ATXN3: variants seen among roughly 807,000 people sequenced by gnomAD.
The protein encoded by ATXN3 is ataxin 3.
Under a neutral mutation model 58.2 loss-of-function variants are expected in ATXN3, and 28 were observed. The ratio of observed to expected loss-of-function variants is 0.48; its 90% CI spans 0.36 to 0.66. The LOEUF (loss-of-function observed/expected upper bound fraction) is 0.66, where lower values mean the gene tolerates loss of function less well. Ranked by LOEUF, ATXN3 falls within the 30% of genes least tolerant of loss-of-function variation. The pLI is 0.00. For synonymous variants in ATXN3, 113 were observed against 138.5 expected (o/e 0.82, Z 1.29); for missense variants, 321 against 422.1 (o/e 0.76, Z 2.10).
At chr14:92,094,531 T>C (rs1047214917) in intron 3 of ATXN3, among the ~76,000 whole-genome samples, 1 of 152,210 alleles carries the variant, frequency 6.6e-6, no homozygotes, top group African/African-American at 2.4e-5. Context: ...TCTACCAAAA[T>C]AAGTTCTCCC....
intron 9 of ATXN3, chr14:92,079,466 T>C (rs1253904825): frequency 2.1e-5 from 21 of 981,524 alleles, no homozygotes; most frequent in Non-Finnish European, 2.5e-5. Context: ...TTCTGAGTTG[T>C]GACTTAAAAA....
chr14:92,103,729 T>A (rs979412274), intron 1 of ATXN3, among the ~76,000 whole-genome samples: 1 of 152,160 alleles, frequency 6.6e-6, no homozygotes, highest in Non-Finnish European at 1.5e-5. Context: ...ACATTCTAAC[T>A]TAATAAAGGG....
At position 92,059,278 on chromosome 14, in the gene ATXN3, G is replaced by A. The variant is rs1337856752; in HGVS notation, c.*5042C>T. On this transcript the variant is annotated 3_prime_UTR_variant, in exon 11 of 11. Coordinates refer to ENST00000644486, the MANE Select transcript of ATXN3 (RefSeq NM_004993.6). The stretch of plus-strand genomic sequence containing the variant: ...ATGTCAATAATCTTCACTCATGAAA[G>A]CAAATTAGAACAAAAATATTTTTAT... The A allele has an allele frequency of 6.6e-6, 1 of 151,950 alleles. No individual in the cohort carries two copies. The highest frequency in any genetic ancestry group is 1.5e-5 in the Non-Finnish European group (1 of 67,978). The allele number at this position is 151,950 out of a possible 1,614,324, so 9.4% of individuals were successfully genotyped here.
intron 5 of ATXN3, among the ~76,000 whole-genome samples, chr14:92,089,332 C>CTTTT (rs1157498754): frequency 1.2e-4 from 7 of 60,736 alleles, no homozygotes; most frequent in African/African-American, 2.9e-4. Flanking sequence ...GCTAAATACT[C>CTTTT]TTTTTTTTTT....
At chr14:92,057,129 T>C (rs965206297), downstream of ATXN3, among the ~76,000 whole-genome samples, 3 of 152,126 alleles carry the variant, frequency 2.0e-5, no homozygotes. Context: ...GTTTAGCATA[T>C]CATCAAGAAA....
At chr14:92,078,376 A>ATTTATTTC (rs1426617011) in intron 9 of ATXN3, among the ~76,000 whole-genome samples, 2 of 151,390 alleles carry the variant, frequency 1.3e-5, no homozygotes, top group Non-Finnish European at 2.9e-5. Context: ...TTATTTATTT[A>ATTTATTTC]TTTGAGATGG....
intron 6 of ATXN3, among the ~76,000 whole-genome samples, chr14:92,088,202 C>T (rs7154952): frequency 4.1e-4 from 62 of 151,694 alleles, no homozygotes; most frequent in African/African-American, 1.3e-3. Flanking sequence ...CCGAGTAGCT[C>T]GGACTACAGG....
At chr14:92,078,273 C>T (rs920582816) in intron 9 of ATXN3, among the ~76,000 whole-genome samples, 1 of 151,966 alleles carries the variant, frequency 6.6e-6, no homozygotes, top group African/African-American at 2.4e-5. Flanking sequence ...CGTGAGCCAC[C>T]GTGCCCAGCC....
chr14:92,067,898 G>A (rs2058726686), intron 10 of ATXN3, among the ~76,000 whole-genome samples: 1 of 152,142 alleles, frequency 6.6e-6, no homozygotes, highest in Non-Finnish European at 1.5e-5. Context: ...GCGGTCATGG[G>A]GATTACTGCT....
intron 1 of ATXN3, among the ~76,000 whole-genome samples, chr14:92,104,799 T>A (rs893454405): frequency 4.0e-5 from 6 of 151,732 alleles, no homozygotes; most frequent in Admixed American, 6.6e-5. Flanking sequence ...GGCGGGCGCC[T>A]GTAATCTCAG....
At chr14:92,079,042 C>T (rs959917449) in intron 9 of ATXN3, among the ~76,000 whole-genome samples, 1 of 151,996 alleles carries the variant, frequency 6.6e-6, no homozygotes, top group African/African-American at 2.4e-5. Context: ...AAGAATTAGC[C>T]AGGCATGGTG....
chr14:92,093,735 C>T lies in ATXN3; in HGVS notation c.320+11G>A, dbSNP rs55888350. On this transcript the variant is annotated intron_variant, in intron 4 of 10. Transcript: ENST00000644486. Reference sequence around the variant, plus strand: ...GAAAAGAAATGTATGAAATGCAAAACAGAATCTTACATAGGATCGATCCTG... The same window carrying T: ...GAAAAGAAATGTATGAAATGCAAAATAGAATCTTACATAGGATCGATCCTG... 1,752 of 1,561,712 alleles carry T rather than the reference C, an allele frequency of 1.1e-3. 22 individuals carry two copies. The African/African-American group carries it at 0.022, about 20-fold the overall frequency.
chr14:92,074,443 C>A (rs2060001335), intron 9 of ATXN3, among the ~76,000 whole-genome samples: 1 of 152,250 alleles, frequency 6.6e-6, no homozygotes, highest in South Asian at 2.1e-4. Flanking sequence ...TGCTTCACTG[C>A]TGTTGCAATG....
chr14:92,083,300 GA>G (rs2061800580), intron 6 of ATXN3, 42 bp from the exon 7 acceptor site: 1 of 1,555,494 alleles, frequency 6.4e-7, no homozygotes, highest in Non-Finnish European at 8.7e-7. Context: ...AGTTAGTAAA[GA>G]GATTCAAAAT....
chr14:92,060,270 A>ATACACACACATATATATATATTTTT lies in ATXN3; in HGVS notation c.*4049_*4050insAAAAATATATATATATGTGTGTGTA. On this transcript the variant is annotated 3_prime_UTR_variant, in exon 11 of 11. Transcript: ENST00000644486. ...CACACATATATATATATATATATAT[A>ATACACACACATATATATATATTTTT]TTTTTTTTTTTCAGAAACAGTGTCT... is the stretch of plus-strand genomic sequence containing the variant. The ATACACACACATATATATATATTTTT allele has an allele frequency of 8.5e-6, 1 of 117,406 alleles. No homozygotes were observed. Among genetic ancestry groups the ATACACACACATATATATATATTTTT allele is most frequent in the African/African-American group, 3.5e-5 (1 of 28,336 alleles). The allele number at this position is 117,406 out of a possible 1,614,324, so 7.3% of individuals were successfully genotyped here. A position where few individuals can be genotyped will look rare whatever the true frequency, so the allele number is the denominator to read the frequency against.
At chr14:92,091,271 C>G (rs10135377) in intron 5 of ATXN3, among the ~76,000 whole-genome samples, 1 of 151,878 alleles carries the variant, frequency 6.6e-6, no homozygotes, top group Non-Finnish European at 1.5e-5. Context: ...ACCAACATGG[C>G]GAAACCCCGT....
chr14:92,067,097 A>C (rs2058589931), intron 10 of ATXN3, among the ~76,000 whole-genome samples: 1 of 151,758 alleles, frequency 6.6e-6, no homozygotes, highest in African/African-American at 2.4e-5. Flanking sequence ...AGCACTAGAA[A>C]AAATGTTGTA....
chr14:92,070,729 A>G, intron 10 of ATXN3: 1 of 1,313,496 alleles, frequency 7.6e-7, no homozygotes, highest in East Asian at 2.5e-5. Context: ...TACAGATGTG[A>G]GCCACCACAT....
chr14:92,081,465 C>CAAAA (rs58398762), intron 8 of ATXN3, among the ~76,000 whole-genome samples: 683 of 80,842 alleles, frequency 8.4e-3, no homozygotes, highest in Non-Finnish European at 0.012. Flanking sequence ...GACTCTGACT[C>CAAAA]AAAAAAAAAA....
Sources: gnomAD v4.1 joint callset for allele counts (sites outside exome capture counted in the v4.1 genomes callset) on GRCh38, gnomAD v4.1.1 for gene constraint, MANE v1.5 for transcripts, NCBI Gene and HGNC (gene_info 2026-07-23, HGNC 2026-07-21) for gene names.